The following SLC41A2 variants were observed in gnomAD, a reference collection of about 807,000 sequenced individuals.
The protein encoded by SLC41A2 is SLC41A1-like 1.
SLC41A2 carries 32 observed loss-of-function variants against 58.3 expected under a neutral mutation model. The observed-to-expected ratio is 0.55, with a 90% confidence interval of 0.41 to 0.74. The LOEUF is 0.74. Ranked by LOEUF, SLC41A2 falls within the 30% of genes least tolerant of loss-of-function variation. The pLI is 0.00. For missense variants in SLC41A2, 514 were observed against 680.6 expected, an observed-to-expected ratio of 0.76 and a Z score of 2.72; for synonymous variants, 190 against 235.0, an observed-to-expected ratio of 0.81 and a Z score of 1.75.
chr12:104,825,289 A>C (rs114382580), intron 10 of SLC41A2, among the ~76,000 whole-genome samples: 1,979 of 152,286 alleles, frequency 0.013, 40 homozygotes, highest in African/African-American at 0.044. Flanking sequence ...TGCCTGCAGC[A>C]GGCAAAAGCC....
At chr12:104,816,146 T>C (rs1409060004) in intron 10 of SLC41A2, among the ~76,000 whole-genome samples, 1 of 152,076 alleles carries the variant, frequency 6.6e-6, no homozygotes, top group Non-Finnish European at 1.5e-5. Context: ...ACATTACCCC[T>C]GCTGGGCACT....
chr12:104,861,308 T>A lies in SLC41A2; in HGVS notation c.1238A>T (p.Tyr413Phe). 6.2e-7 allele frequency: 1 copy of A among 1,612,570 alleles called. No individual in the cohort carries two copies. The highest frequency in any genetic ancestry group is 8.5e-7 in the Non-Finnish European group (1 of 1,178,806). ...SDPNLVGIVV[Y>F]TPVINGIGGN... ...ATTCTTACCATTAATAACTGGCGTG[T>A]AAACAACAATCCCAACCAAGTTTGG... Residue 413 changes from tyrosine (Y) to phenylalanine (F), a missense_variant, in exon 8 of 11, where the codon TAC becomes TTC. Tyr to Phe is a conservative substitution (Grantham distance 22). Transcript: ENST00000258538.
intron 2 of SLC41A2, among the ~76,000 whole-genome samples, chr12:104,926,519 T>C (rs1593156507): frequency 6.7e-6 from 1 of 149,554 alleles, no homozygotes; most frequent in Admixed American, 6.7e-5. Context: ...ACTTGGGAGG[T>C]GGAGATTGCA....
At chr12:104,951,676 A>T (rs1317928313) in intron 1 of SLC41A2, 1 of 151,968 alleles carries the variant, frequency 6.6e-6, no homozygotes, top group East Asian at 1.9e-4. Flanking sequence ...GGGTATATGG[A>T]TGTTCTATTT....
intron 2 of SLC41A2, among the ~76,000 whole-genome samples, chr12:104,911,476 C>T (rs2046084197): frequency 6.6e-6 from 1 of 152,000 alleles, no homozygotes; most frequent in South Asian, 2.1e-4. Flanking sequence ...CACAAAGTGA[C>T]ATTTTACAAG....
intron 7 of SLC41A2, among the ~76,000 whole-genome samples, chr12:104,862,079 A>C (rs1225218577): frequency 6.6e-6 from 1 of 152,190 alleles, no homozygotes; most frequent in Non-Finnish European, 1.5e-5. Flanking sequence ...GTAGTATAAA[A>C]CATTGCCAGT....
intron 3 of SLC41A2, among the ~76,000 whole-genome samples, chr12:104,905,101 A>G (rs2045766278): frequency 6.6e-6 from 1 of 151,770 alleles, no homozygotes; most frequent in South Asian, 2.1e-4. Context: ...CCATCAGATT[A>G]GTTAGATACA....
chr12:104,868,910 C>T (rs146422212), intron 6 of SLC41A2, among the ~76,000 whole-genome samples: 2 of 152,224 alleles, frequency 1.3e-5, no homozygotes, highest in African/African-American at 4.8e-5. Context: ...CAAATGATTA[C>T]TTTTACATAC....
In SLC41A2 at chr12:104,944,653, T is replaced by C. The variant is rs990435365; in HGVS notation, c.-168+13435A>G. Among the ~76,000 whole-genome samples the C allele has an allele frequency of 2.0e-5, 3 of 152,132 alleles. No homozygotes were observed. The East Asian group carries it at 5.8e-4, about 29-fold the overall frequency. On this transcript the variant is annotated intron_variant, in intron 1 of 10. Coordinates refer to ENST00000258538, the MANE Select transcript of SLC41A2 (RefSeq NM_001352171.3). The stretch of plus-strand genomic sequence containing the variant: ...TTGTCTGTTTTCAAAAGAACTTTCT[T>C]CTGGAGGGTTCTAAGCCCAGCTTGA...
chr12:104,809,616 A>C (rs1343156466), intron 10 of SLC41A2, among the ~76,000 whole-genome samples: 1 of 152,170 alleles, frequency 6.6e-6, no homozygotes, highest in Non-Finnish European at 1.5e-5. Flanking sequence ...AAATATTAGA[A>C]AGAATCCTGG....
chr12:104,892,328 A>AAAAAAAAAAAAAC lies in SLC41A2; in HGVS notation c.735+2945_735+2946insGTTTTTTTTTTTT, dbSNP rs1272873332. Among the ~76,000 whole-genome samples, 41 of 126,880 alleles carry AAAAAAAAAAAAAC rather than the reference A, an allele frequency of 3.2e-4. 3 individuals carry two copies. Among genetic ancestry groups the AAAAAAAAAAAAAC allele is most frequent in the East Asian group, 2.1e-3 (6 of 2,904 alleles). The allele number at this position is 126,880 out of a possible 152,430, so 83.2% of individuals were successfully genotyped here. A position where few individuals can be genotyped will look rare whatever the true frequency, so the allele number is the denominator to read the frequency against. The stretch of plus-strand genomic sequence containing the variant: ...AAATAAAATAAAATAAAATAAAATA[A>AAAAAAAAAAAAAC]AATAAAATATTGATGCAAGAAATTG... On this transcript the variant is annotated intron_variant, in intron 4 of 10. Transcript: ENST00000258538.
intron 6 of SLC41A2, among the ~76,000 whole-genome samples, chr12:104,884,421 G>A (rs187312166): frequency 1.7e-4 from 26 of 152,224 alleles, no homozygotes; most frequent in African/African-American, 5.1e-4. Flanking sequence ...CATCTTCTGC[G>A]TCGCTCACTG....
intron 10 of SLC41A2, among the ~76,000 whole-genome samples, chr12:104,826,147 C>T (rs114756683): frequency 0.019 from 2,833 of 152,242 alleles, 31 homozygotes; most frequent in African/African-American, 0.035. Flanking sequence ...TCTTCACCAC[C>T]GCCAGCTTAT....
At chr12:104,838,983 C>T (rs558080739) in intron 10 of SLC41A2, among the ~76,000 whole-genome samples, 2 of 152,284 alleles carry the variant, frequency 1.3e-5, no homozygotes, top group South Asian at 2.1e-4. Context: ...TTAAAGGAAA[C>T]ATTTTGTTTC....
chr12:104,847,650 C>T (rs760655205), intron 8 of SLC41A2, among the ~76,000 whole-genome samples: 7 of 143,836 alleles, frequency 4.9e-5, no homozygotes, highest in Non-Finnish European at 7.6e-5. Flanking sequence ...CATCAAGAAG[C>T]AAAAACTGAT....
At chr12:104,871,525 T>C (rs933476130) in intron 6 of SLC41A2, among the ~76,000 whole-genome samples, 1 of 152,202 alleles carries the variant, frequency 6.6e-6, no homozygotes, top group African/African-American at 2.4e-5. Context: ...TCTATTTCCA[T>C]TTGAAATAGA....
intron 8 of SLC41A2, among the ~76,000 whole-genome samples, chr12:104,860,432 C>T (rs1432424510): frequency 6.6e-6 from 1 of 150,888 alleles, no homozygotes; most frequent in Non-Finnish European, 1.5e-5. Flanking sequence ...TGACAGTCAC[C>T]CCAGAAGCCG....
chr12:104,941,310 A>G (rs190141892), intron 1 of SLC41A2, among the ~76,000 whole-genome samples: 49 of 152,354 alleles, frequency 3.2e-4, no homozygotes, highest in Non-Finnish European at 1.2e-4. Flanking sequence ...CATAACATTT[A>G]TCAATCCTAA....
At chr12:104,841,262 G>T (rs536966504) in intron 10 of SLC41A2, among the ~76,000 whole-genome samples, 1 of 151,966 alleles carries the variant, frequency 6.6e-6, no homozygotes, top group South Asian at 2.1e-4. Flanking sequence ...TTTTATTTTG[G>T]ATACCTATGT....
Sources: gnomAD v4.1 joint callset for allele counts (sites outside exome capture counted in the v4.1 genomes callset) on GRCh38, gnomAD v4.1.1 for gene constraint, MANE v1.5 for transcripts, NCBI Gene and HGNC (gene_info 2026-07-23, HGNC 2026-07-21) for gene names.